DISC1: variants seen among roughly 807,000 people sequenced by gnomAD.
DISC1 encodes the protein DISC1 scaffold protein, also known as disrupted in schizophrenia 1 protein.
DISC1 carries 57 observed loss-of-function variants against 84.5 expected under a neutral mutation model. That is an observed-to-expected ratio of 0.67 (90% confidence interval 0.55 to 0.84). DISC1 has a LOEUF of 0.84. Ranked by LOEUF, DISC1 falls within the 40% of genes least tolerant of loss-of-function variation. The probability of loss-of-function intolerance (pLI) is 0.00; values close to 1 mark genes in which losing one functional copy is unlikely to be tolerated. For synonymous variants in DISC1, 411 were observed against 415.2 expected, an observed-to-expected ratio of 0.99 and a Z score of 0.12; for missense variants, 1,000 against 1,057.8, an observed-to-expected ratio of 0.95 and a Z score of 0.76.
intron 9 of DISC1, among the ~76,000 whole-genome samples, chr1:231,916,325 T>G (rs956457568): frequency 6.6e-6 from 1 of 152,192 alleles, no homozygotes; most frequent in Non-Finnish European, 1.5e-5. Context: ...TGAGGCTTAT[T>G]TGATATTACA....
At chr1:231,716,641 GAC>G (rs2068769900) in intron 3 of DISC1, among the ~76,000 whole-genome samples, 1 of 152,136 alleles carries the variant, frequency 6.6e-6, no homozygotes, top group South Asian at 2.1e-4. Flanking sequence ...GAATACTAAA[GAC>G]AAGACTGAAG....
chr1:231,769,584 G>A (rs2076405098), intron 5 of DISC1, among the ~76,000 whole-genome samples: 1 of 152,196 alleles, frequency 6.6e-6, no homozygotes, highest in African/African-American at 2.4e-5. Context: ...AAGTAGAATG[G>A]TGATTCCCAG....
intron 11 of DISC1, among the ~76,000 whole-genome samples, chr1:232,022,687 A>T (rs1048844764): frequency 6.6e-6 from 1 of 152,158 alleles, no homozygotes; most frequent in Non-Finnish European, 1.5e-5. Context: ...TACCAGATTG[A>T]TAGAAATATA....
chr1:231,923,366 TA>T (rs1306163519), intron 9 of DISC1, among the ~76,000 whole-genome samples: 1 of 151,018 alleles, frequency 6.6e-6, no homozygotes, highest in Non-Finnish European at 1.5e-5. Flanking sequence ...TGGCAGGTAG[TA>T]AAATCTTGGA....
intron 11 of DISC1, among the ~76,000 whole-genome samples, chr1:232,011,975 C>CGACATAA (rs1401352629): frequency 6.6e-6 from 1 of 152,026 alleles, no homozygotes; most frequent in Non-Finnish European, 1.5e-5. Flanking sequence ...AACACCACCA[C>CGACATAA]GACATAAGAG....
chr1:231,733,985 G>C (rs1202121905), intron 3 of DISC1, among the ~76,000 whole-genome samples: 2 of 151,454 alleles, frequency 1.3e-5, no homozygotes, highest in East Asian at 1.9e-4. Context: ...TGATGATGAT[G>C]ATGACCTGAC....
chr1:231,724,574 C>T (rs1256103559), intron 3 of DISC1, among the ~76,000 whole-genome samples: 1 of 152,150 alleles, frequency 6.6e-6, no homozygotes. Flanking sequence ...TAGCTCTTCC[C>T]CCAAAGGCAG....
intron 3 of DISC1, among the ~76,000 whole-genome samples, chr1:231,728,249 A>C (rs1246582530): frequency 1.3e-5 from 2 of 152,186 alleles, no homozygotes; most frequent in Non-Finnish European, 2.9e-5. Flanking sequence ...AAGCATTATA[A>C]AGCCAAGATT....
chr1:231,991,880 T>A (rs1665255357), intron 10 of DISC1, among the ~76,000 whole-genome samples: 1 of 152,184 alleles, frequency 6.6e-6, no homozygotes, highest in South Asian at 2.1e-4. Flanking sequence ...TTTAGTTAGT[T>A]TTAGAAAATT....
chr1:231,866,144 G>A (rs1348396518), intron 9 of DISC1, among the ~76,000 whole-genome samples: 1 of 152,036 alleles, frequency 6.6e-6, no homozygotes, highest in Non-Finnish European at 1.5e-5. Flanking sequence ...CATCCCCCCA[G>A]GGCCCTGCAT....
chr1:231,765,839 C>T (rs200009236), intron 4 of DISC1, among the ~76,000 whole-genome samples: 7 of 152,140 alleles, frequency 4.6e-5, no homozygotes, highest in Admixed American at 2.6e-4. Flanking sequence ...CTGAGAAGCT[C>T]GCATCCAAGC....
At chr1:231,823,838 G>A (rs890723440) in intron 9 of DISC1, among the ~76,000 whole-genome samples, 1 of 152,142 alleles carries the variant, frequency 6.6e-6, no homozygotes, top group Non-Finnish European at 1.5e-5. Context: ...CTGTGCACAG[G>A]AGAGACTGAA....
In DISC1 at chr1:231,796,819, A is replaced by G. The variant is rs567436716; in HGVS notation, c.1689+1523A>G. Among the ~76,000 whole-genome samples the G allele has an allele frequency of 9.2e-5, 14 of 152,192 alleles. No individual in the cohort carries two copies. The South Asian group carries it at 1.5e-3, about 16-fold the overall frequency. ...AGCCTTGATCTCCCGGGCTCAGGTA[A>G]TCCTCCTGCCTCAGCCTCCCAAGTA... On this transcript the variant is annotated intron_variant, in intron 7 of 12. Transcript: ENST00000439617.
intron 6 of DISC1, among the ~76,000 whole-genome samples, chr1:231,784,980 C>T (rs2077719703): frequency 6.6e-6 from 1 of 152,152 alleles, no homozygotes; most frequent in Non-Finnish European, 1.5e-5. Flanking sequence ...TTTACAAGAT[C>T]ATCTGAAGTC....
chr1:231,991,120 G>A (rs1165189029), intron 10 of DISC1, among the ~76,000 whole-genome samples: 6 of 152,214 alleles, frequency 3.9e-5, no homozygotes, highest in African/African-American at 1.4e-4. Flanking sequence ...CCAGATATAT[G>A]TGTCCACTTA....
At chr1:231,883,803 T>A (rs562023071) in intron 9 of DISC1, among the ~76,000 whole-genome samples, 11 of 152,094 alleles carry the variant, frequency 7.2e-5, no homozygotes, top group African/African-American at 2.4e-4. Context: ...AGGAAAAGGA[T>A]CAGGTGCAGG....
chr1:231,984,084 C>T (rs1161517206), intron 10 of DISC1, among the ~76,000 whole-genome samples: 2 of 152,166 alleles, frequency 1.3e-5, no homozygotes, highest in Non-Finnish European at 2.9e-5. Flanking sequence ...AAATCTGCCC[C>T]CAGACTCCAT....
intron 9 of DISC1, among the ~76,000 whole-genome samples, chr1:231,938,794 C>A (rs2091131264): frequency 6.6e-6 from 1 of 152,306 alleles, no homozygotes; most frequent in South Asian, 2.1e-4. Flanking sequence ...GGTCCCTATT[C>A]CCCATTCTGC....
intron 4 of DISC1, among the ~76,000 whole-genome samples, chr1:231,752,330 A>G (rs895800527): frequency 6.6e-6 from 1 of 152,164 alleles, no homozygotes; most frequent in African/African-American, 2.4e-5. Flanking sequence ...TAAACTTACA[A>G]TCATGGTGGA....
Sources: allele counts gnomAD v4.1 joint callset (sites outside exome capture counted in the v4.1 genomes callset), GRCh38; gene constraint gnomAD v4.1.1; transcripts MANE v1.5; gene names NCBI Gene and HGNC (gene_info 2026-07-23, HGNC 2026-07-21).